SECISBP2L: variants seen among roughly 807,000 people sequenced by gnomAD.
SECISBP2L encodes SECIS binding protein 2 like.
SECISBP2L carries 43 observed loss-of-function variants against 114.7 expected under a neutral mutation model. That is an observed-to-expected ratio of 0.38 (90% CI 0.29 to 0.48). The LOEUF (loss-of-function observed/expected upper bound fraction) is 0.48, where lower values mean the gene tolerates loss of function less well. Ranked by LOEUF, SECISBP2L falls within the 20% of genes least tolerant of loss-of-function variation. The pLI is 0.98. For synonymous variants in SECISBP2L, 451 were observed against 439.7 expected (o/e 1.03, Z -0.32); for missense variants, 1,136 against 1,301.1 (o/e 0.87, Z 1.95).
In SECISBP2L at chr15:48,992,041, T is replaced by C. The variant is rs1300292861; in HGVS notation, c.*203A>G. 6 of 455,590 alleles carry C rather than the reference T, an allele frequency of 1.3e-5. No homozygotes were observed. In the Admixed American group the frequency reaches 1.5e-4, roughly 11 times the overall value. The allele number at this position is 455,590 out of a possible 1,614,324, so 28.2% of individuals were successfully genotyped here. ...AAAATAAGCTGAAACAGATCTGAAT[T>C]TTCCACACAGTTCTTAGAAAGACAC... On this transcript the variant is annotated 3_prime_UTR_variant, in exon 18 of 18. Transcript: ENST00000559471.
chr15:49,011,096 T>C (rs893285686), intron 13 of SECISBP2L, among the ~76,000 whole-genome samples: 4 of 152,220 alleles, frequency 2.6e-5, no homozygotes, highest in Non-Finnish European at 5.9e-5. Context: ...GAAACATTGT[T>C]GCTTAATCTA....
intron 17 of SECISBP2L, among the ~76,000 whole-genome samples, chr15:48,995,573 G>A (rs1902069833): frequency 6.6e-6 from 1 of 151,906 alleles, no homozygotes. Context: ...CGAACAAAGA[G>A]CCAAATGAAA....
Position 49,011,810 on chromosome 15 carries a change from A to G in SECISBP2L, c.1785T>C (p.Asn595=), listed in dbSNP as rs750963940. The G allele has an allele frequency of 3.1e-6, 5 of 1,614,130 alleles. No homozygotes were observed. In the South Asian group the frequency reaches 5.5e-5, roughly 18 times the overall value. ...CTGTTGGTTCCTCGGATCCCAAAAGATTGTGGTCCACAGTTAAGCGCCCCT... is the reference window on the plus strand; with the variant it reads ...CTGTTGGTTCCTCGGATCCCAAAAGGTTGTGGTCCACAGTTAAGCGCCCCT... ...EKKGRLTVDH[N]LLGSEEPTEM... The change falls in exon 13 of 18, where the codon AAT becomes AAC. Residue 595 remains asparagine, a synonymous_variant. Coordinates refer to ENST00000559471, the MANE Select transcript of SECISBP2L (RefSeq NM_001193489.2).
At position 49,028,675 on chromosome 15, in the gene SECISBP2L, T is replaced by C. The variant is rs1416749009; in HGVS notation, c.672A>G (p.Pro224=). 7 of 1,613,458 alleles carry C rather than the reference T, an allele frequency of 4.3e-6. No individual in the cohort carries two copies. The highest frequency in any genetic ancestry group is 1.1e-5 in the South Asian group (1 of 91,070). ...LVDASQQTDF[P]SDIANKSLSE... The stretch of plus-strand genomic sequence containing the variant: ...AGAGAGACTTGTTAGCGATATCTGA[T>C]GGGAAATCTACAAAGGCAAGGAAAG... Residue 224 remains proline (P), a synonymous_variant, in exon 5 of 18, where the codon CCA becomes CCG. Coordinates refer to ENST00000559471, the MANE Select transcript of SECISBP2L (RefSeq NM_001193489.2).
At chr15:49,046,128 A>G (rs1903243753) in intron 1 of SECISBP2L, 148 bp downstream of exon 1, 4 of 834,918 alleles carry the variant, frequency 4.8e-6, no homozygotes, top group Non-Finnish European at 5.4e-6. Context: ...ACAATGAAGG[A>G]GAGCTGGGAG....
At chr15:49,016,144 G>A (rs1902531503) in intron 11 of SECISBP2L, among the ~76,000 whole-genome samples, 1 of 152,202 alleles carries the variant, frequency 6.6e-6, no homozygotes, top group Admixed American at 6.5e-5. Flanking sequence ...TCTGAGCAGT[G>A]AAGTGATATA....
intron 1 of SECISBP2L, among the ~76,000 whole-genome samples, chr15:49,045,506 C>T (rs1003889398): frequency 6.6e-6 from 1 of 152,174 alleles, no homozygotes; most frequent in African/African-American, 2.4e-5. Context: ...GGGGGGGAAA[C>T]TATTGTTTTC....
chr15:49,025,149 TG>T (rs1337016208), intron 7 of SECISBP2L, among the ~76,000 whole-genome samples: 1 of 152,242 alleles, frequency 6.6e-6, no homozygotes, highest in Non-Finnish European at 1.5e-5. Context: ...TTAGCTCTTT[TG>T]TTTTTAATCA....
rs1322960367 is a variant in SECISBP2L at position 49,037,636 on chromosome 15, T to A, written c.158A>T (p.Tyr53Phe). 6.2e-7 allele frequency: 1 copy of A among 1,613,782 alleles called. No individual in the cohort carries two copies. Among genetic ancestry groups the A allele is most frequent in the East Asian group, 2.2e-5 (1 of 44,858 alleles). ...CACAAATGGGTAACAAGTAATCAGG[T>A]AGCTGGGAATTGGAGTTGGTTCCAC... ...SGVEPTPIPS[Y>F]LITCYPFVQE... is the part of the protein sequence containing the mutation. Residue 53 changes from tyrosine (Y) to phenylalanine (F), a missense_variant, in exon 2 of 18, where the codon TAC (tyrosine) becomes TTC (phenylalanine). Physicochemically the swap from Tyr to Phe is conservative, Grantham distance 22. Coordinates refer to ENST00000559471, the MANE Select transcript of SECISBP2L (RefSeq NM_001193489.2).
At chr15:49,029,332 T>C (rs11638981) in intron 4 of SECISBP2L, among the ~76,000 whole-genome samples, 31,014 of 152,194 alleles carry the variant, frequency 0.2, 3,904 homozygotes, top group Middle Eastern at 0.3. Context: ...CTGAATTCTG[T>C]GCATATCATT....
In SECISBP2L at chr15:48,998,677, T is replaced by C. The variant is rs192664502; in HGVS notation, c.2403+1156A>G. On this transcript the variant is annotated intron_variant, in intron 16 of 17. Coordinates refer to ENST00000559471, the MANE Select transcript of SECISBP2L (RefSeq NM_001193489.2). ...ATTGGAAGCTTAATTCCAAGATTAGTTGTATCAGATGGTAACAGTAACAGG... is the reference window on the plus strand; with the variant it reads ...ATTGGAAGCTTAATTCCAAGATTAGCTGTATCAGATGGTAACAGTAACAGG... Among the ~76,000 whole-genome samples, 120 of 152,270 alleles carry C rather than the reference T, an allele frequency of 7.9e-4. 2 individuals are homozygous for C. Among genetic ancestry groups the C allele is most frequent in the Non-Finnish European group, 1.1e-3 (76 of 68,012 alleles).
At chr15:49,030,648 G>A (rs1238593560) in intron 4 of SECISBP2L, among the ~76,000 whole-genome samples, 1 of 152,116 alleles carries the variant, frequency 6.6e-6, no homozygotes, top group African/African-American at 2.4e-5. Flanking sequence ...TTCCCTCCCT[G>A]CAGTCATAAA....
In SECISBP2L at chr15:49,001,104, A is replaced by G. The variant is rs766448173; in HGVS notation, c.2028-7T>C. On this transcript the variant is annotated splice_polypyrimidine_tract_variant and splice_region_variant and intron_variant, in intron 14 of 17. Coordinates refer to ENST00000559471, the MANE Select transcript of SECISBP2L (RefSeq NM_001193489.2). ...AAGAACCTGATTACAATACCTGTAAAAAAAAACCAAAATGGGTAACTCCAT... is the reference window on the plus strand; with the variant it reads ...AAGAACCTGATTACAATACCTGTAAGAAAAAACCAAAATGGGTAACTCCAT... 13 of 1,577,818 alleles carry G rather than the reference A, an allele frequency of 8.2e-6. No homozygotes were observed. Among genetic ancestry groups the G allele is most frequent in the Non-Finnish European group, 1.0e-5 (12 of 1,164,212 alleles).
rs761019139 is a variant in SECISBP2L at position 49,011,780 on chromosome 15, C to A, written c.1815G>T (p.Met605Ile). 2 of 1,613,982 alleles carry A rather than the reference C, an allele frequency of 1.2e-6. No homozygotes were observed. The highest frequency in any genetic ancestry group is 3.3e-5 in the Admixed American group (2 of 60,000). ...NLLGSEEPTE[M>I]HLDFIDDLPQ... Reference sequence around the variant, plus strand: ...GCAAGTCATCAATAAAATCTAAGTGCATTTCTGTTGGTTCCTCGGATCCCA... The same window carrying A: ...GCAAGTCATCAATAAAATCTAAGTGAATTTCTGTTGGTTCCTCGGATCCCA... Residue 605 changes from methionine to isoleucine, a missense_variant, in exon 13 of 18, where the codon ATG (methionine) becomes ATT (isoleucine). By Grantham distance (10) the Met-to-Ile change is conservative. Transcript: ENST00000559471.
At chr15:49,012,589 A>G (rs1902457526) in intron 12 of SECISBP2L, 59 bp downstream of exon 12, 2 of 1,567,078 alleles carry the variant, frequency 1.3e-6, no homozygotes, top group Non-Finnish European at 1.7e-6. Flanking sequence ...ACTTTTACAA[A>G]ACAGATTAAA....
intron 1 of SECISBP2L, among the ~76,000 whole-genome samples, chr15:49,040,915 G>A (rs1209435144): frequency 1.3e-5 from 2 of 151,634 alleles, no homozygotes; most frequent in African/African-American, 2.4e-5. Context: ...AATTCTGGCA[G>A]TGTTTTAATT....
intron 8 of SECISBP2L, among the ~76,000 whole-genome samples, chr15:49,018,503 A>C (rs1021345236): frequency 2.0e-5 from 3 of 151,856 alleles, no homozygotes; most frequent in Non-Finnish European, 4.4e-5. Context: ...AGTGATCCTG[A>C]CCTCAGGTGA....
At chr15:49,019,659 T>G (rs1190884015) in intron 7 of SECISBP2L, 107 bp from the exon 8 acceptor site, 6 of 921,906 alleles carry the variant, frequency 6.5e-6, no homozygotes, top group Non-Finnish European at 8.5e-6. Flanking sequence ...TACAACTCAA[T>G]AAATTTTCAC....
In SECISBP2L at chr15:48,988,997, T is replaced by G. The variant is rs1213287829; in HGVS notation, c.*3247A>C. ...TGATGTATGTAAAGGTTGGAAGGGA[T>G]GAGGGAGGAGGAAGATGTCTGTAAA... On this transcript the variant is annotated 3_prime_UTR_variant, in exon 18 of 18. Coordinates refer to ENST00000559471, the MANE Select transcript of SECISBP2L (RefSeq NM_001193489.2). 6.5e-6 allele frequency: 1 copy of G among 153,102 alleles called. No homozygotes were observed. Among genetic ancestry groups the G allele is most frequent in the African/African-American group, 2.4e-5 (1 of 41,420 alleles). The allele number at this position is 153,102 out of a possible 1,614,324, so 9.5% of individuals were successfully genotyped here.
Sources: allele counts gnomAD v4.1 joint callset (sites outside exome capture counted in the v4.1 genomes callset), GRCh38; gene constraint gnomAD v4.1.1; transcripts MANE v1.5; gene names NCBI Gene and HGNC (gene_info 2026-07-23, HGNC 2026-07-21).